Variants in CRY1 observed in about 807,000 individuals in gnomAD.
CRY1 encodes cryptochrome circadian regulator 1.
Under a neutral mutation model 76.0 loss-of-function variants are expected in CRY1, and 45 were observed. The ratio of observed to expected loss-of-function variants is 0.59; its 90% CI spans 0.47 to 0.76. The LOEUF (loss-of-function observed/expected upper bound fraction) is 0.76, where lower values mean the gene tolerates loss of function less well. Ranked by LOEUF, CRY1 falls within the 30% of genes least tolerant of loss-of-function variation. CRY1 has a pLI of 0.00. For missense variants in CRY1, 587 were observed against 716.4 expected (o/e 0.82, Z 2.06); for synonymous variants, 248 against 244.0 (o/e 1.02, Z -0.15).
chr12:107,035,456 G>T (rs182749168), intron 1 of CRY1, among the ~76,000 whole-genome samples: 1 of 152,324 alleles, frequency 6.6e-6, no homozygotes, highest in East Asian at 1.9e-4. Flanking sequence ...TGATAATGAT[G>T]ATTACAGCTG....
intron 1 of CRY1, among the ~76,000 whole-genome samples, chr12:107,076,525 A>T (rs760927742): frequency 6.6e-6 from 1 of 151,862 alleles, no homozygotes; most frequent in South Asian, 2.1e-4. Flanking sequence ...GAGGCAAGAG[A>T]ATCACCTTGA....
rs1334371024 is a variant in CRY1, at chr12:107,001,297, T to C, written c.667A>G (p.Arg223Gly). 3.1e-6 allele frequency: 5 copies of C among 1,613,554 alleles called. No individual in the cohort carries two copies. The highest frequency in any genetic ancestry group is 4.2e-6 in the Non-Finnish European group (5 of 1,179,576). Residue 223 changes from arginine to glycine, a missense_variant, in exon 5 of 13, where the codon AGG (arginine) becomes GGG (glycine). Arg to Gly is a moderately radical substitution (Grantham distance 125, BLOSUM62 -2). Transcript: ENST00000008527. Reference sequence around the variant, plus strand: ...TATCATACTTTTCTTTCCAAATGCCTTTCCAAACGAGTAAGTGCTTCAGTT... The same window carrying C: ...TATCATACTTTTCTTTCCAAATGCCCTTCCAAACGAGTAAGTGCTTCAGTT... ...GETEALTRLE[R>G]HLERKAWVAN... is the part of the protein sequence containing the mutation.
intron 2 of CRY1, among the ~76,000 whole-genome samples, chr12:107,017,562 T>C (rs1952510611): frequency 6.6e-6 from 1 of 152,154 alleles, no homozygotes; most frequent in South Asian, 2.1e-4. Context: ...ATATGTGGCC[T>C]CCCAAAGTTA....
intron 1 of CRY1, among the ~76,000 whole-genome samples, chr12:107,023,555 T>G (rs147968298): frequency 8.9e-4 from 135 of 152,332 alleles, no homozygotes; most frequent in Non-Finnish European, 1.6e-3. Context: ...GTCTTGTTGA[T>G]TTTTTACAAC....
chr12:107,053,209 T>C (rs959613002), intron 1 of CRY1, among the ~76,000 whole-genome samples: 1 of 152,132 alleles, frequency 6.6e-6, no homozygotes, highest in African/African-American at 2.4e-5. Flanking sequence ...ATAACATTTA[T>C]AGAATAGCTG....
At chr12:107,077,081 G>A (rs570416238) in intron 1 of CRY1, among the ~76,000 whole-genome samples, 4 of 151,804 alleles carry the variant, frequency 2.6e-5, no homozygotes, top group Non-Finnish European at 5.9e-5. Context: ...ATGCAAGAAC[G>A]GCCTACTACA....
chr12:107,056,259 TCCA>T (rs1383576981), intron 1 of CRY1, among the ~76,000 whole-genome samples: 1 of 152,152 alleles, frequency 6.6e-6, no homozygotes, highest in African/African-American at 2.4e-5. Context: ...AAAATCCTCC[TCCA>T]CACCTTTTGT....
At chr12:107,056,493 G>A (rs749885832) in intron 1 of CRY1, among the ~76,000 whole-genome samples, 49 of 152,120 alleles carry the variant, frequency 3.2e-4, no homozygotes, top group African/African-American at 1.1e-3. Flanking sequence ...TGTGGCCTGC[G>A]GGCTGCATGT....
At chr12:107,051,512 T>C (rs1037091344) in intron 1 of CRY1, among the ~76,000 whole-genome samples, 1 of 152,128 alleles carries the variant, frequency 6.6e-6, no homozygotes, top group African/African-American at 2.4e-5. Context: ...AGAATTCCCA[T>C]CCTTGAAGCC....
intron 1 of CRY1, among the ~76,000 whole-genome samples, chr12:107,080,753 G>A (rs555217212): frequency 5.3e-5 from 8 of 152,174 alleles, no homozygotes; most frequent in African/African-American, 7.2e-5. Context: ...GAGTGAAGCC[G>A]GACATGCCTT....
intron 1 of CRY1, among the ~76,000 whole-genome samples, chr12:107,060,754 G>A (rs1045444714): frequency 2.6e-5 from 4 of 152,048 alleles, no homozygotes; most frequent in Admixed American, 6.6e-5. Context: ...CGAGGTGGGC[G>A]GATCACGAGG....
At chr12:107,074,500 TTA>T (rs1367906795) in intron 1 of CRY1, among the ~76,000 whole-genome samples, 2 of 152,190 alleles carry the variant, frequency 1.3e-5, no homozygotes, top group African/African-American at 4.8e-5. Context: ...TCTCTTTTTT[TTA>T]AATAGCATTT....
chr12:107,047,052 G>A (rs566783963), intron 1 of CRY1, among the ~76,000 whole-genome samples: 52 of 152,236 alleles, frequency 3.4e-4, no homozygotes, highest in African/African-American at 1.2e-3. Flanking sequence ...AGAACACTTC[G>A]TTCCACAGTT....
At chr12:107,061,740 A>G (rs1000452131) in intron 1 of CRY1, among the ~76,000 whole-genome samples, 5 of 152,148 alleles carry the variant, frequency 3.3e-5, no homozygotes, top group African/African-American at 1.2e-4. Context: ...ATCCTATTTC[A>G]ATGCACAAAA....
intron 1 of CRY1, among the ~76,000 whole-genome samples, chr12:107,085,678 G>A (rs376767321): frequency 1.1e-4 from 16 of 152,216 alleles, no homozygotes; most frequent in African/African-American, 3.6e-4. Flanking sequence ...GGGGCAAGGG[G>A]ATGGAGACCA....
At chr12:107,028,641 AT>A (rs1212125542) in intron 1 of CRY1, among the ~76,000 whole-genome samples, 1 of 152,354 alleles carries the variant, frequency 6.6e-6, no homozygotes, top group East Asian at 1.9e-4. Flanking sequence ...AAGAAGTAAC[AT>A]GTACTTCTAG....
chr12:106,993,949 C>T (rs1422702978), intron 10 of CRY1, among the ~76,000 whole-genome samples: 3 of 151,920 alleles, frequency 2.0e-5, no homozygotes, highest in Non-Finnish European at 2.9e-5. Context: ...ATAGTTTATT[C>T]CTTTCCTGAG....
intron 7 of CRY1, among the ~76,000 whole-genome samples, chr12:106,998,544 A>C (rs1317843051): frequency 6.6e-6 from 1 of 152,174 alleles, no homozygotes; most frequent in Non-Finnish European, 1.5e-5. Flanking sequence ...TTTAATTTCG[A>C]ATTCCTTGAT....
intron 1 of CRY1, among the ~76,000 whole-genome samples, chr12:107,042,151 T>C (rs1329350031): frequency 6.6e-6 from 1 of 152,100 alleles, no homozygotes; most frequent in Admixed American, 6.5e-5. Context: ...ATTAAATCAA[T>C]GAGGGAGAAG....
Sources: allele counts gnomAD v4.1 joint callset (sites outside exome capture counted in the v4.1 genomes callset), GRCh38; gene constraint gnomAD v4.1.1; transcripts MANE v1.5; gene names NCBI Gene and HGNC (gene_info 2026-07-23, HGNC 2026-07-21).